The following BOD1L1 variants were observed in gnomAD, a reference collection of about 807,000 sequenced individuals.
The protein encoded by BOD1L1 is biorientation of chromosomes in cell division 1 like 1, also known as biorientation of chromosomes in cell division protein 1-like 1.
In BOD1L1, 86 loss-of-function variants were observed where a neutral mutation model predicts 240.7. The ratio of observed to expected loss-of-function variants is 0.36; its 90% CI spans 0.30 to 0.43. The LOEUF (loss-of-function observed/expected upper bound fraction) is 0.43. Ranked by LOEUF, BOD1L1 falls within the 20% of genes least tolerant of loss-of-function variation. The probability of loss-of-function intolerance (pLI) is 1.00; values close to 1 mark genes in which losing one functional copy is unlikely to be tolerated. For missense variants in BOD1L1, 3,554 were observed against 3,643.5 expected, an observed-to-expected ratio of 0.98 and a Z score of 0.63; for synonymous variants, 1,268 against 1,272.3, an observed-to-expected ratio of 1.00 and a Z score of 0.07.
Position 13,572,901 on chromosome 4 carries a change from A to C in BOD1L1, c.9039-2773T>G, listed in dbSNP as rs1712335035. ...AGCACTGAATACTCCAGTCCCTGGA[A>C]CTCTGTAGGAAGTATGAGGCTCCTT... On this transcript the variant is annotated intron_variant, in intron 25 of 25. Coordinates refer to ENST00000040738, the MANE Select transcript of BOD1L1 (RefSeq NM_148894.3). 9 of 1,253,702 alleles carry C rather than the reference A, an allele frequency of 7.2e-6. No individual in the cohort carries two copies. The Admixed American group carries it at 1.3e-4, about 18-fold the overall frequency. The allele number at this position is 1,253,702 out of a possible 1,614,324, so 77.7% of individuals were successfully genotyped here.
intron 1 of BOD1L1, chr4:13,624,247 A>G (rs368847349): frequency 1.1e-4 from 16 of 152,082 alleles, no homozygotes; most frequent in East Asian, 5.8e-4. Flanking sequence ...ATTTTGTGGG[A>G]GAGTTTAAGC....
Position 13,569,966 on chromosome 4 carries a change from T to C in BOD1L1, c.*45A>G, listed in dbSNP as rs1577297739. 3.6e-6 allele frequency: 5 copies of C among 1,396,696 alleles called. No individual in the cohort carries two copies. The highest frequency in any genetic ancestry group is 4.8e-6 in the Non-Finnish European group (5 of 1,049,046). 86.5% of individuals were successfully genotyped at this position (1,396,696 alleles called of 1,614,324 possible). A position where few individuals can be genotyped will look rare whatever the true frequency, so the allele number is the denominator to read the frequency against. ...TGGCCACCAAGGCATGTCTCTTTCC[T>C]CTCCACCGTGTTCCTCCATAAGCCT... On this transcript the variant is annotated 3_prime_UTR_variant, in exon 26 of 26. Transcript: ENST00000040738.
At position 13,599,617 on chromosome 4, in the gene BOD1L1, G is replaced by A. The variant is rs370936070; in HGVS notation, c.7283C>T (p.Ala2428Val). ...CTTGCCATGCTTCTCTTCTTTTTCC[G>A]CACAAACAGCACTTGGATGGCCTTG... ...AGQGHPSAVC[A>V]EKEEKHGKEC... Residue 2428 changes from alanine (A) to valine (V), a missense_variant, in exon 10 of 26, where the codon GCG becomes GTG. Coordinates refer to ENST00000040738, the MANE Select transcript of BOD1L1 (RefSeq NM_148894.3). The A allele has an allele frequency of 9.1e-5, 147 of 1,613,898 alleles. No individual in the cohort carries two copies. The highest frequency in any genetic ancestry group is 8.8e-4 in the African/African-American group (66 of 75,008).
intron 15 of BOD1L1, 106 bp from the exon 16 acceptor site, chr4:13,587,877 T>C (rs1005429911): frequency 1.3e-5 from 10 of 755,172 alleles, no homozygotes; most frequent in Non-Finnish European, 2.1e-5. Flanking sequence ...AGTTGATATA[T>C]AAATTTTTTA....
At chr4:13,588,623 A>T in intron 15 of BOD1L1, 99 bp downstream of exon 15, 1 of 891,206 alleles carries the variant, frequency 1.1e-6, no homozygotes, top group Non-Finnish European at 1.7e-6. Flanking sequence ...TTTAATATTT[A>T]ATTTATACAA....
chr4:13,590,142 T>G (rs987733698), intron 14 of BOD1L1, among the ~76,000 whole-genome samples: 12 of 152,194 alleles, frequency 7.9e-5, no homozygotes, highest in African/African-American at 2.4e-4. Flanking sequence ...AATGGCAAAG[T>G]TCTAGTAGCT....
In BOD1L1 at chr4:13,600,869, G is replaced by A. The variant is rs1388798495; in HGVS notation, c.6031C>T (p.Leu2011Phe). 1.9e-6 allele frequency: 3 copies of A among 1,613,772 alleles called. No individual in the cohort carries two copies. The Admixed American group carries it at 5.0e-5, about 27-fold the overall frequency. ...TGLVGGSYDV[L>F]VSGEVPECEV... ...CATTCTGGGACTTCACCAGATACAA[G>A]AACATCGTAACTACCCCCGACCAGG... The change falls in exon 10 of 26, where the codon CTT becomes TTT. Residue 2011 changes from leucine to phenylalanine, a missense_variant. Coordinates refer to ENST00000040738, the MANE Select transcript of BOD1L1 (RefSeq NM_148894.3).
At chr4:13,575,895 CTTTTTTT>C (rs35101769) in intron 25 of BOD1L1, among the ~76,000 whole-genome samples, 2 of 119,256 alleles carry the variant, frequency 1.7e-5, no homozygotes, top group Non-Finnish European at 3.6e-5. Flanking sequence ...TTGCCAAACC[CTTTTTTT>C]TTTTTTTTTT....
chr4:13,620,385 G>GT (rs1245218915), intron 1 of BOD1L1, among the ~76,000 whole-genome samples: 11 of 152,196 alleles, frequency 7.2e-5, no homozygotes, highest in Admixed American at 3.3e-4. Context: ...CACTGAAAAT[G>GT]TGCCATTTGA....
At chr4:13,588,698 AC>A in intron 15 of BOD1L1, 23 bp downstream of exon 15, 1 of 1,542,376 alleles carries the variant, frequency 6.5e-7, no homozygotes, top group Non-Finnish European at 8.8e-7. Context: ...AAAATATCAA[AC>A]ACTTGAGTTT....
intron 9 of BOD1L1, among the ~76,000 whole-genome samples, chr4:13,605,659 T>C (rs1715629490): frequency 6.6e-6 from 1 of 152,166 alleles, no homozygotes; most frequent in Admixed American, 6.5e-5. Context: ...CAAATGTCCT[T>C]TTCAGTCAAA....
intron 1 of BOD1L1, among the ~76,000 whole-genome samples, chr4:13,620,541 T>C (rs1716967198): frequency 6.6e-6 from 1 of 152,126 alleles, no homozygotes; most frequent in Non-Finnish European, 1.5e-5. Flanking sequence ...CCAATTTGGC[T>C]ATAGAAGAGA....
In BOD1L1 at chr4:13,627,339, C is replaced by A; in HGVS notation, c.243+6G>T. ...CGCAGACCCCCAAACCCGGCGCGCT[C>A]CTAACCTTGGTGTCCACGTCGGCCA... is the stretch of plus-strand genomic sequence containing the variant. On this transcript the variant is annotated splice_donor_region_variant and intron_variant, in intron 1 of 25. Coordinates refer to ENST00000040738, the MANE Select transcript of BOD1L1 (RefSeq NM_148894.3). 1 of 1,311,002 alleles carries A rather than the reference C, an allele frequency of 7.6e-7. No homozygotes were observed. Among genetic ancestry groups the A allele is most frequent in the Non-Finnish European group, 9.8e-7 (1 of 1,019,414 alleles). 81.2% of individuals were successfully genotyped at this position (1,311,002 alleles called of 1,614,324 possible).
chr4:13,577,733 T>C lies in BOD1L1; in HGVS notation c.8750-102A>G, dbSNP rs192040281. ...TGTCAATGTATCAGTATTAATACAT[T>C]GTTATACATTTCATCATTATCTTGT... On this transcript the variant is annotated intron_variant, in intron 22 of 25. Coordinates refer to ENST00000040738, the MANE Select transcript of BOD1L1 (RefSeq NM_148894.3). 104 of 799,942 alleles carry C rather than the reference T, an allele frequency of 1.3e-4. No individual in the cohort carries two copies. In the African/African-American group the frequency reaches 1.4e-3, roughly 11 times the overall value. 49.6% of individuals were successfully genotyped at this position (799,942 alleles called of 1,614,324 possible).
intron 12 of BOD1L1, among the ~76,000 whole-genome samples, chr4:13,594,723 C>T (rs1714485751): frequency 6.6e-6 from 1 of 152,010 alleles, no homozygotes; most frequent in African/African-American, 2.4e-5. Flanking sequence ...GGTGAAACCC[C>T]ATCTCTACTA....
intron 9 of BOD1L1, among the ~76,000 whole-genome samples, chr4:13,606,280 G>C (rs1395915119): frequency 2.6e-5 from 4 of 152,090 alleles, no homozygotes; most frequent in Non-Finnish European, 4.4e-5. Context: ...TATCATAAAA[G>C]AAAGTTAAAT....
chr4:13,613,576 T>C lies in BOD1L1; in HGVS notation c.1260A>G (p.Glu420=). Residue 420 remains glutamate, a synonymous_variant, in exon 5 of 26, where the codon GAA becomes GAG. Transcript: ENST00000040738. The surrounding 1 kb of genome is among the most constrained non-coding windows in gnomAD (Gnocchi z 4.0). ...SVHTSDLSSF[E]EDTEEEVVTS... The stretch of plus-strand genomic sequence containing the variant: ...TTACAACTTCCTCCTCAGTATCTTC[T>C]TCAAAAGATGAAAGGTCACTGGTAT... 2 of 1,612,710 alleles carry C rather than the reference T, an allele frequency of 1.2e-6. No homozygotes were observed. The highest frequency in any genetic ancestry group is 1.7e-6 in the Non-Finnish European group (2 of 1,179,010).
At chr4:13,587,262 A>G (rs1483358311) in intron 16 of BOD1L1, among the ~76,000 whole-genome samples, 1 of 152,226 alleles carries the variant, frequency 6.6e-6, no homozygotes, top group Non-Finnish European at 1.5e-5. Flanking sequence ...AAATAAATGT[A>G]CAAGACTTCT....
chr4:13,576,843 A>G lies in BOD1L1; in HGVS notation c.9033T>C (p.Ala3011=), dbSNP rs765363139. ...CTCTGTGCTGCCCCCATTACCTCTGAGCCTCTGATCTGGTGGTGGATCTTG... is the reference window on the plus strand; with the variant it reads ...CTCTGTGCTGCCCCCATTACCTCTGGGCCTCTGATCTGGTGGTGGATCTTG... ...ATTRSTTRSE[A]QRSKTQLSPS... The change falls in exon 25 of 26, where the codon GCT becomes GCC. Residue 3011 remains alanine, a synonymous_variant. Transcript: ENST00000040738. 6.2e-7 allele frequency: 1 copy of G among 1,613,622 alleles called. No individual in the cohort carries two copies. The highest frequency in any genetic ancestry group is 1.1e-5 in the South Asian group (1 of 91,038).
Sources: allele counts gnomAD v4.1 joint callset (sites outside exome capture counted in the v4.1 genomes callset), GRCh38; gene constraint gnomAD v4.1.1; non-coding constraint Gnocchi (gnomAD v3.1); transcripts MANE v1.5; gene names NCBI Gene and HGNC (gene_info 2026-07-23, HGNC 2026-07-21).